Variants in ZNF426 observed in about 807,000 individuals in gnomAD.
The protein encoded by ZNF426 is zinc finger protein 426.
A neutral mutation model predicts 24.0 loss-of-function variants in ZNF426; 23 were observed. The ratio of observed to expected loss-of-function variants is 0.96; its 90% CI spans 0.69 to 1.36. The LOEUF (loss-of-function observed/expected upper bound fraction) is 1.36, where lower values mean the gene tolerates loss of function less well. ZNF426 is among the 40% of genes most tolerant of loss of function. ZNF426 has a pLI of 0.00. For synonymous variants in ZNF426, 272 were observed against 224.6 expected (o/e 1.21, Z -1.89); for missense variants, 646 against 658.4 (o/e 0.98, Z 0.21).
At chr19:9,535,102 C>CTGGA (rs1175427561) in intron 4 of ZNF426, 86 bp downstream of exon 4, 6 of 734,366 alleles carry the variant, frequency 8.2e-6, no homozygotes, top group Non-Finnish European at 1.1e-5. Context: ...AAAAAGAAGT[C>CTGGA]TGGAGACAAC....
intron 6 of ZNF426, among the ~76,000 whole-genome samples, chr19:9,532,278 CTTTT>C (rs1020434068): frequency 3.4e-5 from 4 of 117,424 alleles, no homozygotes; most frequent in South Asian, 2.6e-4. Context: ...TTCTTTTTTT[CTTTT>C]TTTTTTTTTT....
chr19:9,528,729 A>G lies in ZNF426; in HGVS notation c.1316T>C (p.Met439Thr), dbSNP rs1156928206. ...FGYPSCLNNH[M>T]RTHSAQKPYT... ...TGGTTTCTGGGCACTGTGCGTTCGC[A>G]TGTGATTATTAAGACATGAGGGATA... Residue 439 changes from methionine (M) to threonine (T), a missense_variant, in exon 8 of 8, where the codon ATG becomes ACG. Transcript: ENST00000253115. 1 of 1,614,148 alleles carries G rather than the reference A, an allele frequency of 6.2e-7. No homozygotes were observed. Among genetic ancestry groups the G allele is most frequent in the Non-Finnish European group, 8.5e-7 (1 of 1,180,014 alleles).
rs142755014 is a variant in ZNF426 at position 9,534,039 on chromosome 19, G to T, written c.118-73C>A. The T allele has an allele frequency of 2.5e-5, 39 of 1,570,884 alleles. No individual in the cohort carries two copies. In the African/African-American group the frequency reaches 4.5e-4, roughly 18 times the overall value. On this transcript the variant is annotated intron_variant, in intron 4 of 7. Coordinates refer to ENST00000253115, the MANE Select transcript of ZNF426 (RefSeq NM_024106.3). ...AGCGTTCGCTGGAGGATGAGGAAGG[G>T]GGACCCAATGCCTATGCAGGATTCC... is the stretch of plus-strand genomic sequence containing the variant.
intron 6 of ZNF426, among the ~76,000 whole-genome samples, chr19:9,531,373 A>C (rs1001425177): frequency 6.6e-6 from 1 of 152,340 alleles, no homozygotes; most frequent in Middle Eastern, 3.4e-3. Flanking sequence ...CAACAAACAG[A>C]GTGAACCACA....
At position 9,528,408 on chromosome 19, in the gene ZNF426, G is replaced by A; in HGVS notation, c.1637C>T (p.Ser546Leu). ...QCGKAYSHPRSLRRHEQIH is the reference protein window; with the variant it reads ...QCGKAYSHPRLLRRHEQIH The stretch of plus-strand genomic sequence containing the variant: ...GTGAATTTGTTCATGTCTTCGAAGT[G>A]AACGGGGATGACTGTAAGCTTTCCC... Residue 546 changes from serine to leucine, a missense_variant, in exon 8 of 8, where the codon TCA becomes TTA. Physicochemically the swap from Ser to Leu is moderately radical, Grantham distance 145. Coordinates refer to ENST00000253115, the MANE Select transcript of ZNF426 (RefSeq NM_024106.3). 2 of 1,599,008 alleles carry A rather than the reference G, an allele frequency of 1.3e-6. No individual in the cohort carries two copies. The highest frequency in any genetic ancestry group is 8.5e-7 in the Non-Finnish European group (1 of 1,173,680).
rs1487423291 is a variant in ZNF426 at position 9,525,082 on chromosome 19, T to C, written c.*3298A>G. Reference sequence around the variant, plus strand: ...GGCTAACACAGTGAAACCCCGTCTCTACTAAAAATACAAAAAATTAGCCGG... The same window carrying C: ...GGCTAACACAGTGAAACCCCGTCTCCACTAAAAATACAAAAAATTAGCCGG... On this transcript the variant is annotated 3_prime_UTR_variant, in exon 8 of 8. Transcript: ENST00000253115. 1.3e-5 allele frequency: 2 copies of C among 151,032 alleles called. No individual in the cohort carries two copies. Among genetic ancestry groups the C allele is most frequent in the African/African-American group, 2.4e-5 (1 of 41,186 alleles). 9.4% of individuals were successfully genotyped at this position (151,032 alleles called of 1,614,324 possible).
chr19:9,528,692 C>T lies in ZNF426; in HGVS notation c.1353G>A (p.Lys451=), dbSNP rs1315475404. The change falls in exon 8 of 8, where the codon AAG becomes AAA. Residue 451 remains lysine (K), a synonymous_variant. Coordinates refer to ENST00000253115, the MANE Select transcript of ZNF426 (RefSeq NM_024106.3). ...THSAQKPYTC[K]ECGKAFNYST... ...AATAGTTAAAAGCCTTCCCACATTC[C>T]TTACAGGTGTATGGTTTCTGGGCAC... The T allele has an allele frequency of 3.7e-6, 6 of 1,614,168 alleles. No homozygotes were observed. Among genetic ancestry groups the T allele is most frequent in the South Asian group, 1.1e-5 (1 of 91,090 alleles).
chr19:9,527,226 T>C lies in ZNF426; in HGVS notation c.*1154A>G, dbSNP rs2144762909. The C allele has an allele frequency of 6.6e-6, 1 of 152,210 alleles. No homozygotes were observed. The highest frequency in any genetic ancestry group is 2.1e-4 in the South Asian group (1 of 4,816). 9.4% of individuals were successfully genotyped at this position (152,210 alleles called of 1,614,324 possible). A position where few individuals can be genotyped will look rare whatever the true frequency, so the allele number is the denominator to read the frequency against. On this transcript the variant is annotated 3_prime_UTR_variant, in exon 8 of 8. Coordinates refer to ENST00000253115, the MANE Select transcript of ZNF426 (RefSeq NM_024106.3). Reference sequence around the variant, plus strand: ...GGTAATTTTACATGTGTAAAAAAAATTCTGTGGAATTAATGTAAGGCTTCC... The same window carrying C: ...GGTAATTTTACATGTGTAAAAAAAACTCTGTGGAATTAATGTAAGGCTTCC...
chr19:9,534,670 C>T (rs1390830168), intron 4 of ZNF426, among the ~76,000 whole-genome samples: 1 of 152,044 alleles, frequency 6.6e-6, no homozygotes, highest in East Asian at 1.9e-4. Context: ...TCACAGCTCA[C>T]TGCAGCCTCA....
Position 9,533,965 on chromosome 19 carries a change from T to A in ZNF426, c.119A>T (p.Asp40Val). Residue 40 changes from aspartate (D) to valine (V), a missense_variant and splice_region_variant, in exon 5 of 8, where the codon GAT (aspartate) becomes GTT (valine). Asp to Val is a radical substitution (Grantham distance 152). Coordinates refer to ENST00000253115, the MANE Select transcript of ZNF426 (RefSeq NM_024106.3). ...VADCLTDCYQ[D>V]SVTFDDVAVD... Reference sequence around the variant, plus strand: ...AGCCACATCGTCAAAGGTCACTGAATCCTAAAGCATCACACACATGCTGGT... The same window carrying A: ...AGCCACATCGTCAAAGGTCACTGAAACCTAAAGCATCACACACATGCTGGT... 2.5e-6 allele frequency: 4 copies of A among 1,612,790 alleles called. No individual in the cohort carries two copies. The highest frequency in any genetic ancestry group is 1.7e-6 in the Non-Finnish European group (2 of 1,179,506).
intron 4 of ZNF426, 152 bp from the exon 5 acceptor site, chr19:9,534,118 C>T (rs1321271614): frequency 1.1e-6 from 1 of 916,624 alleles, no homozygotes; most frequent in Non-Finnish European, 1.6e-6. Flanking sequence ...CTCCTCGCAC[C>T]CTAAACATAC....
rs2073824576 is a variant in ZNF426 at position 9,528,463 on chromosome 19, C to T, written c.1582G>A (p.Glu528Lys). The change falls in exon 8 of 8, where the codon GAA becomes AAA. Residue 528 changes from glutamate (E) to lysine (K), a missense_variant. Glu to Lys is a moderately conservative substitution (Grantham distance 56). Transcript: ENST00000253115. The stretch of plus-strand genomic sequence containing the variant: ...TGCTGACATTTATAGGGTTTCTCTT[C>T]TGTGTGAGTTTTTTCATGAATTCTA... ...SFRIHEKTHT[E>K]EKPYKCQQCG... is the part of the protein sequence containing the mutation. 6.2e-7 allele frequency: 1 copy of T among 1,613,944 alleles called. No individual in the cohort carries two copies. Among genetic ancestry groups the T allele is most frequent in the Non-Finnish European group, 8.5e-7 (1 of 1,180,004 alleles).
chr19:9,524,485 A>T lies in ZNF426; in HGVS notation c.*3895T>A, dbSNP rs2073771854. On this transcript the variant is annotated 3_prime_UTR_variant, in exon 8 of 8. Transcript: ENST00000253115. ...CTTTAATGACATGGAAAGGGACTGT[A>T]AGAATTGAAGAACTGGCTGGGCGTG... The T allele has an allele frequency of 6.6e-6, 1 of 152,226 alleles. No homozygotes were observed. Among genetic ancestry groups the T allele is most frequent in the Non-Finnish European group, 1.5e-5 (1 of 68,064 alleles). 9.4% of individuals were successfully genotyped at this position (152,226 alleles called of 1,614,324 possible).
chr19:9,536,208 C>T lies in ZNF426; in HGVS notation c.25G>A (p.Gly9Arg), dbSNP rs753541925. The T allele has an allele frequency of 6.2e-7, 1 of 1,614,148 alleles. No individual in the cohort carries two copies. Among genetic ancestry groups the T allele is most frequent in the South Asian group, 1.1e-5 (1 of 91,072 alleles). Residue 9 changes from glycine (G) to arginine (R), a missense_variant and splice_region_variant, in exon 3 of 8, where the codon GGA becomes AGA. Physicochemically the swap from Gly to Arg is moderately radical, Grantham distance 125. Transcript: ENST00000253115. The stretch of plus-strand genomic sequence containing the variant: ...TCCTAAAAAGAGCAACAGAGCTTAC[C>T]ATGGGACAAATCAGCAGCTGCCATC... MAAADLSH[G>R]HYLSGDPVCL... is the part of the protein sequence containing the mutation.
rs1243276170 is a variant in ZNF426 at position 9,533,889 on chromosome 19, G to C, written c.195C>G (p.Ser65Arg). The change falls in exon 5 of 8, where the codon AGC (serine) becomes AGG (arginine). Residue 65 changes from serine (S) to arginine (R), a missense_variant. Physicochemically the swap from Ser to Arg is moderately radical, Grantham distance 110. Transcript: ENST00000253115. ...EWTLLDSTQR[S>R]LYSDVMLENY... ...TCTCCAGCATCACGTCACTGTAGAG[G>C]CTTCTCTGAGTTGAGTCCAGTAAAG... 6.2e-7 allele frequency: 1 copy of C among 1,614,028 alleles called. No individual in the cohort carries two copies. The highest frequency in any genetic ancestry group is 8.5e-7 in the Non-Finnish European group (1 of 1,180,020).
rs1433134162 is a variant in ZNF426, at chr19:9,528,595, CCT to C, written c.1448_1449del (p.Lys483SerfsTer12). 4 of 1,613,512 alleles carry C rather than the reference CCT, an allele frequency of 2.5e-6. No homozygotes were observed. The highest frequency in any genetic ancestry group is 3.4e-6 in the Non-Finnish European group (4 of 1,179,888). On this transcript the variant is annotated frameshift_variant, in exon 8 of 8. Transcript: ENST00000253115. LOFTEE classifies it low-confidence loss of function (END_TRUNC). The part of the protein sequence containing the change: ...EKPYECKQCG[K>X]AFSHSSSFQI... ...TGAAATGAACTGGAATGACTGAAGGCCTTTCCACATTGTTTACACTCATAGGG... is the reference window on the plus strand; with the variant it reads ...TGAAATGAACTGGAATGACTGAAGGCTTCCACATTGTTTACACTCATAGGG...
chr19:9,530,831 C>T (rs1368388845), intron 7 of ZNF426, among the ~76,000 whole-genome samples, 154 bp downstream of exon 7: 4 of 152,202 alleles, frequency 2.6e-5, no homozygotes, highest in African/African-American at 9.7e-5. Flanking sequence ...TCCAAAGAAA[C>T]AAGTTTCACA....
Position 9,535,281 on chromosome 19 carries a change from T to C in ZNF426, c.26-2A>G. The C allele has an allele frequency of 6.2e-7, 1 of 1,611,480 alleles. No individual in the cohort carries two copies. Among genetic ancestry groups the C allele is most frequent in the Non-Finnish European group, 8.5e-7 (1 of 1,178,208 alleles). ...CTGGGTCCCCAGAAAGATAATGTCC[T>C]GTAAGAAAATGAAGGCAAGAGAACC... On this transcript the variant is annotated splice_acceptor_variant, in intron 3 of 7. Coordinates refer to ENST00000253115, the MANE Select transcript of ZNF426 (RefSeq NM_024106.3). LOFTEE classifies it high-confidence loss of function.
rs959526856 is a variant in ZNF426, at chr19:9,528,218, C to T, written c.*162G>A. The T allele has an allele frequency of 5.1e-5, 36 of 711,916 alleles. No homozygotes were observed. The East Asian group carries it at 9.9e-4, about 20-fold the overall frequency. The allele number at this position is 711,916 out of a possible 1,614,324, so 44.1% of individuals were successfully genotyped here. On this transcript the variant is annotated 3_prime_UTR_variant, in exon 8 of 8. Transcript: ENST00000253115. Reference sequence around the variant, plus strand: ...GGCCAGGGTGGTCTCAAACTCCTGACCTCAAGTGATCCACCCACCTCAGCC... The same window carrying T: ...GGCCAGGGTGGTCTCAAACTCCTGATCTCAAGTGATCCACCCACCTCAGCC...
Sources: gnomAD v4.1 joint callset for allele counts (sites outside exome capture counted in the v4.1 genomes callset) on GRCh38, gnomAD v4.1.1 for gene constraint, MANE v1.5 for transcripts, NCBI Gene and HGNC (gene_info 2026-07-23, HGNC 2026-07-21) for gene names.